The following NTF3 variants were observed in gnomAD, a reference collection of about 807,000 sequenced individuals.
The protein encoded by NTF3 is neurotrophin-3.
A neutral mutation model predicts 26.3 loss-of-function variants in NTF3; 8 were observed. That is an observed-to-expected ratio of 0.30 (90% CI 0.18 to 0.55). The LOEUF (loss-of-function observed/expected upper bound fraction) is 0.55. Among genes scored for constraint, NTF3 ranks in the 20% least tolerant of loss-of-function variants. The pLI is 0.93. For synonymous variants in NTF3, 154 were observed against 145.5 expected (o/e 1.06, Z -0.42); for missense variants, 276 against 352.9 (o/e 0.78, Z 1.75).
At chr12:5,489,985 C>T (rs866358878) in intron 1 of NTF3, among the ~76,000 whole-genome samples, 16 of 152,138 alleles carry the variant, frequency 1.1e-4, no homozygotes, top group African/African-American at 3.9e-4. Flanking sequence ...TGTGGGAAAG[C>T]GTTTCTAAGT....
chr12:5,486,969 G>A lies in NTF3; in HGVS notation c.19-7225G>A, dbSNP rs57923444. Among the ~76,000 whole-genome samples the A allele has an allele frequency of 8.4e-3, 1,275 of 152,122 alleles. 19 individuals are homozygous for A. The highest frequency in any genetic ancestry group is 0.029 in the African/African-American group (1,202 of 41,446). ...CACATGTATGCACAGTGGTGGATGAGTGTGAGTTACCAAAACAAATACCAC... is the reference window on the plus strand; with the variant it reads ...CACATGTATGCACAGTGGTGGATGAATGTGAGTTACCAAAACAAATACCAC... On this transcript the variant is annotated intron_variant, in intron 1 of 1. Coordinates refer to ENST00000423158, the MANE Select transcript of NTF3 (RefSeq NM_001102654.2).
Position 5,494,830 on chromosome 12 carries a change from A to G in NTF3, c.655A>G (p.Arg219Gly). 1.9e-6 allele frequency: 3 copies of G among 1,614,162 alleles called. No homozygotes were observed. Among genetic ancestry groups the G allele is most frequent in the Non-Finnish European group, 2.5e-6 (3 of 1,180,036 alleles). ...KEARPVKNGC[R>G]GIDDKHWNSQ... ...AGCCAGGCCGGTCAAAAACGGTTGCAGGGGTATTGATGATAAACACTGGAA... is the reference window on the plus strand; with the variant it reads ...AGCCAGGCCGGTCAAAAACGGTTGCGGGGGTATTGATGATAAACACTGGAA... Residue 219 changes from arginine (R) to glycine (G), a missense_variant, in exon 2 of 2, where the codon AGG (arginine) becomes GGG (glycine). Coordinates refer to ENST00000423158, the MANE Select transcript of NTF3 (RefSeq NM_001102654.2). The surrounding 1 kb of genome is among the most constrained non-coding windows in gnomAD (Gnocchi z 8.3).
chr12:5,482,997 C>T (rs1362982478), intron 1 of NTF3, among the ~76,000 whole-genome samples: 1 of 151,758 alleles, frequency 6.6e-6, no homozygotes, highest in African/African-American at 2.4e-5. Context: ...CCCTTTCTGT[C>T]TTTATGTCTC....
intron 1 of NTF3, among the ~76,000 whole-genome samples, chr12:5,445,410 A>T (rs1940293301): frequency 6.6e-6 from 1 of 151,828 alleles, no homozygotes; most frequent in African/African-American, 2.4e-5. Context: ...GGATATCTGG[A>T]TAATTTCTTT....
At chr12:5,484,185 C>G (rs1431381824) in intron 1 of NTF3, among the ~76,000 whole-genome samples, 7 of 152,182 alleles carry the variant, frequency 4.6e-5, no homozygotes, top group Admixed American at 1.3e-4. Flanking sequence ...TTGGTTCCAG[C>G]TCTTGTACTG....
At chr12:5,450,632 G>A (rs920935699) in intron 1 of NTF3, among the ~76,000 whole-genome samples, 3 of 152,136 alleles carry the variant, frequency 2.0e-5, no homozygotes, top group Non-Finnish European at 4.4e-5. Context: ...TATTGGACTG[G>A]GAACAGTGCT....
chr12:5,486,897 G>A (rs1940872796), intron 1 of NTF3, among the ~76,000 whole-genome samples: 1 of 151,962 alleles, frequency 6.6e-6, no homozygotes. Context: ...GTGTGTGTGT[G>A]TGTGTGTGTG....
intron 1 of NTF3, among the ~76,000 whole-genome samples, chr12:5,453,693 C>A (rs1016521206): frequency 1.3e-5 from 2 of 152,208 alleles, no homozygotes; most frequent in Non-Finnish European, 2.9e-5. Flanking sequence ...TCATGCTTCC[C>A]ACTTGTTCGG....
intron 1 of NTF3, among the ~76,000 whole-genome samples, chr12:5,489,369 T>C (rs1443167221): frequency 6.6e-6 from 1 of 152,130 alleles, no homozygotes; most frequent in Admixed American, 6.5e-5. Context: ...CTCTAGAATG[T>C]TTGAGAGCAA....
intron 1 of NTF3, among the ~76,000 whole-genome samples, chr12:5,475,224 G>A (rs1940707741): frequency 6.6e-6 from 1 of 152,180 alleles, no homozygotes; most frequent in Admixed American, 6.5e-5. Context: ...GGTGGTAGGA[G>A]GAAGACCAAG....
At chr12:5,453,479 T>C (rs1453036323) in intron 1 of NTF3, among the ~76,000 whole-genome samples, 1 of 152,236 alleles carries the variant, frequency 6.6e-6, no homozygotes, top group Non-Finnish European at 1.5e-5. Flanking sequence ...TCTTTCTCCT[T>C]ATCAGTTTAT....
chr12:5,465,953 G>A (rs1263681137), intron 1 of NTF3, among the ~76,000 whole-genome samples: 2 of 152,244 alleles, frequency 1.3e-5, no homozygotes, highest in Non-Finnish European at 2.9e-5. Context: ...TCGAGCCTCA[G>A]AGAGCTGATA....
At chr12:5,430,911 A>T (rs1051966221), upstream of NTF3, among the ~76,000 whole-genome samples, 1 of 151,870 alleles carries the variant, frequency 6.6e-6, no homozygotes, top group Non-Finnish European at 1.5e-5. Flanking sequence ...CCACCACGCA[A>T]GGACTCGGGA....
At chr12:5,492,067 A>C (rs886846491) in intron 1 of NTF3, among the ~76,000 whole-genome samples, 3 of 152,184 alleles carry the variant, frequency 2.0e-5, no homozygotes, top group African/African-American at 7.2e-5. Flanking sequence ...AAGATGAAGG[A>C]ATAAGATTAG....
intron 1 of NTF3, among the ~76,000 whole-genome samples, chr12:5,451,833 G>C (rs908615876): frequency 2.0e-5 from 3 of 152,044 alleles, no homozygotes; most frequent in Non-Finnish European, 4.4e-5. Context: ...AGTTAGGACT[G>C]CAGGCATGCA....
In NTF3 at chr12:5,461,070, G is replaced by C. The variant is rs188424726; in HGVS notation, c.18+28728G>C. 3.0e-4 allele frequency among the ~76,000 whole-genome samples: 45 copies of C among 152,266 alleles called. 1 individual carries two copies. Among genetic ancestry groups the C allele is most frequent in the African/African-American group, 7.9e-4 (33 of 41,542 alleles). On this transcript the variant is annotated intron_variant, in intron 1 of 1. Coordinates refer to ENST00000423158, the MANE Select transcript of NTF3 (RefSeq NM_001102654.2). Reference sequence around the variant, plus strand: ...GGGTGGAGTGTGCAGAGTGGGATTGGGGGGGAAGGTTCAAGGGAGAACTAT... The same window carrying C: ...GGGTGGAGTGTGCAGAGTGGGATTGCGGGGGAAGGTTCAAGGGAGAACTAT...
chr12:5,482,063 A>G (rs1346393746), intron 1 of NTF3, among the ~76,000 whole-genome samples: 1 of 152,086 alleles, frequency 6.6e-6, no homozygotes, highest in East Asian at 1.9e-4. Flanking sequence ...CACACACTAC[A>G]CACAGACACA....
chr12:5,479,230 G>C (rs1315223495), intron 1 of NTF3, among the ~76,000 whole-genome samples: 1 of 152,186 alleles, frequency 6.6e-6, no homozygotes, highest in Non-Finnish European at 1.5e-5. Context: ...GCTTCCCTCC[G>C]GTTAGAATTA....
chr12:5,432,105 G>T (rs943928823), upstream of NTF3: 20 of 619,110 alleles, frequency 3.2e-5, no homozygotes, highest in East Asian at 2.6e-4. Flanking sequence ...TTCTGTTCAC[G>T]GGACTCAGAG....
Sources: gnomAD v4.1 joint callset for allele counts (sites outside exome capture counted in the v4.1 genomes callset) on GRCh38, gnomAD v4.1.1 for gene constraint, Gnocchi (gnomAD v3.1) non-coding constraint, MANE v1.5 for transcripts, NCBI Gene and HGNC (gene_info 2026-07-23, HGNC 2026-07-21) for gene names.